Variants in ABCC1 observed in about 807,000 individuals in gnomAD.
ABCC1 encodes the protein ATP binding cassette subfamily C member 1 (ABCC1 blood group).
In ABCC1, 83 loss-of-function variants were observed where a neutral mutation model predicts 172.9. The observed-to-expected ratio is 0.48, with a 90% confidence interval of 0.40 to 0.58. The LOEUF is 0.58. Ranked by LOEUF, ABCC1 falls within the 20% of genes least tolerant of loss-of-function variation. The pLI is 0.00. For synonymous variants in ABCC1, 937 were observed against 825.2 expected, an observed-to-expected ratio of 1.14 and a Z score of -2.32; for missense variants, 1,817 against 2,002.7, an observed-to-expected ratio of 0.91 and a Z score of 1.77.
chr16:15,993,354 A>G (rs1036850468), intron 1 of ABCC1, among the ~76,000 whole-genome samples: 1 of 152,112 alleles, frequency 6.6e-6, no homozygotes, highest in African/African-American at 2.4e-5. Flanking sequence ...CCCTCCTGAT[A>G]ACTCTCTAAA....
At chr16:16,029,650 A>G (rs1391030361) in intron 5 of ABCC1, among the ~76,000 whole-genome samples, 1 of 152,252 alleles carries the variant, frequency 6.6e-6, no homozygotes, top group East Asian at 1.9e-4. Context: ...AGTTGCAAAA[A>G]TAACAGAGTT....
At position 16,092,355 on chromosome 16, in the gene ABCC1, G is replaced by A. The variant is rs151064511; in HGVS notation, c.2644+1767G>A. ...GAACTTTTTTTAATCACCCCCAAAAGAAACCCCAATCCATCAGCCATGACT... is the reference window on the plus strand; with the variant it reads ...GAACTTTTTTTAATCACCCCCAAAAAAAACCCCAATCCATCAGCCATGACT... On this transcript the variant is annotated intron_variant, in intron 19 of 30. Coordinates refer to ENST00000399410, the MANE Select transcript of ABCC1 (RefSeq NM_004996.4). Among the ~76,000 whole-genome samples the A allele has an allele frequency of 4.3e-3, 659 of 152,192 alleles. 12 individuals carry two copies. Among genetic ancestry groups the A allele is most frequent in the Non-Finnish European group, 5.9e-3 (404 of 68,012 alleles).
At chr16:16,077,467 C>T (rs1371615194) in intron 15 of ABCC1, among the ~76,000 whole-genome samples, 2 of 151,972 alleles carry the variant, frequency 1.3e-5, no homozygotes, top group East Asian at 3.8e-4. Context: ...AGTTACCTTC[C>T]CCCCATGAGC....
chr16:16,017,854 A>G (rs1305930956), intron 5 of ABCC1, among the ~76,000 whole-genome samples: 1 of 152,046 alleles, frequency 6.6e-6, no homozygotes, highest in African/African-American at 2.4e-5. Flanking sequence ...GGGTGGAGCA[A>G]ACACCTAGAG....
In ABCC1 at chr16:16,011,889, G is replaced by A. The variant is rs561987859; in HGVS notation, c.351+1988G>A. 4.1e-4 allele frequency among the ~76,000 whole-genome samples: 62 copies of A among 151,782 alleles called. No individual in the cohort carries two copies. The South Asian group carries it at 0.012, about 29-fold the overall frequency. On this transcript the variant is annotated intron_variant, in intron 3 of 30. Transcript: ENST00000399410. ...TCACCATGTTGGCCAGGCTGGTCTC[G>A]AACTCCGGACCTCAGGTGATCCACC...
intron 7 of ABCC1, among the ~76,000 whole-genome samples, chr16:16,041,354 C>G (rs1285620351): frequency 6.6e-6 from 1 of 152,214 alleles, no homozygotes; most frequent in South Asian, 2.1e-4. Context: ...TTTATTTATT[C>G]ATCTGTACAC....
At chr16:15,972,604 C>G (rs1352318125) in intron 1 of ABCC1, among the ~76,000 whole-genome samples, 2 of 152,088 alleles carry the variant, frequency 1.3e-5, no homozygotes, top group African/African-American at 4.8e-5. Context: ...AAAGGCTCTT[C>G]TGTCCACATT....
chr16:16,047,348 G>C (rs539020257), intron 9 of ABCC1, among the ~76,000 whole-genome samples: 1 of 152,136 alleles, frequency 6.6e-6, no homozygotes, highest in African/African-American at 2.4e-5. Flanking sequence ...CTAGAGTGCA[G>C]TGGCATGATC....
intron 1 of ABCC1, among the ~76,000 whole-genome samples, chr16:15,961,838 C>T (rs1325331134): frequency 6.6e-6 from 1 of 151,342 alleles, no homozygotes; most frequent in African/African-American, 2.4e-5. Flanking sequence ...CATGTATTCA[C>T]CCATTCCCCT....
chr16:16,082,023 A>G (rs1315492272), intron 16 of ABCC1, among the ~76,000 whole-genome samples: 2 of 152,134 alleles, frequency 1.3e-5, no homozygotes, highest in Non-Finnish European at 2.9e-5. Context: ...TTCAAAAAAA[A>G]ATCTTCAGGG....
In ABCC1 at chr16:16,068,278, C is replaced by T. The variant is rs1340756347; in HGVS notation, c.1800C>T (p.Pro600=). 1 of 1,614,160 alleles carries T rather than the reference C, an allele frequency of 6.2e-7. No individual in the cohort carries two copies. Among genetic ancestry groups the T allele is most frequent in the Non-Finnish European group, 8.5e-7 (1 of 1,180,044 alleles). ...NILRFPLNIL[P]MVISSIVQAS... ...TCCGGTTTCCCCTGAACATTCTCCC[C>T]ATGGTCATCAGCAGCATCGTGCAGG... The change falls in exon 13 of 31, where the codon CCC becomes CCT. Residue 600 remains proline, a synonymous_variant. Transcript: ENST00000399410.
chr16:16,030,800 C>T (rs1290420378), intron 5 of ABCC1, among the ~76,000 whole-genome samples: 1 of 151,994 alleles, frequency 6.6e-6, no homozygotes, highest in Non-Finnish European at 1.5e-5. Context: ...CAGTCGCACC[C>T]AGAACCAGCT....
chr16:16,079,565 C>G (rs958850579), intron 16 of ABCC1, 87 bp downstream of exon 16: 1 of 1,492,884 alleles, frequency 6.7e-7, no homozygotes, highest in Non-Finnish European at 9.0e-7. Context: ...TTTTGACTGT[C>G]CCTGTGCCAG....
chr16:16,132,044 C>G, intron 27 of ABCC1, 109 bp downstream of exon 27: 1 of 1,393,028 alleles, frequency 7.2e-7, no homozygotes, highest in Non-Finnish European at 9.8e-7. Context: ...GGCTCCACAC[C>G]TTTGCTTGAA....
rs563853740 is a variant in ABCC1, at chr16:16,107,815, T to G, written c.2871+942T>G. On this transcript the variant is annotated intron_variant, in intron 21 of 30. Coordinates refer to ENST00000399410, the MANE Select transcript of ABCC1 (RefSeq NM_004996.4). ...AGTTTATTTTTAAAAATAAATGTGGTTTTTTTTGTTTTTGTTTTTAAAGGG... is the reference window on the plus strand; with the variant it reads ...AGTTTATTTTTAAAAATAAATGTGGGTTTTTTTGTTTTTGTTTTTAAAGGG... 4.6e-5 allele frequency among the ~76,000 whole-genome samples: 7 copies of G among 151,808 alleles called. 1 individual carries two copies. Among genetic ancestry groups the G allele is most frequent in the African/African-American group, 1.4e-4 (6 of 41,438 alleles).
intron 1 of ABCC1, among the ~76,000 whole-genome samples, chr16:15,957,324 G>A (rs752051059): frequency 1.3e-5 from 2 of 149,974 alleles, no homozygotes; most frequent in Admixed American, 6.7e-5. Flanking sequence ...GAACTCAGGC[G>A]ATCTGCCTGC....
chr16:15,962,743 C>A (rs2046162825), intron 1 of ABCC1, among the ~76,000 whole-genome samples: 1 of 152,328 alleles, frequency 6.6e-6, no homozygotes, highest in East Asian at 1.9e-4. Flanking sequence ...CTCCCATGAT[C>A]TAATCACCTC....
intron 1 of ABCC1, among the ~76,000 whole-genome samples, chr16:15,967,709 A>G (rs927421851): frequency 2.7e-5 from 4 of 149,738 alleles, no homozygotes; most frequent in African/African-American, 7.4e-5. Flanking sequence ...GCAGTGAGCT[A>G]TGATTGCACC....
chr16:16,130,334 TAA>T (rs1341313230), intron 26 of ABCC1, among the ~76,000 whole-genome samples: 106 of 151,310 alleles, frequency 7.0e-4, no homozygotes, highest in Non-Finnish European at 7.3e-5. Flanking sequence ...AATATTTATT[TAA>T]ATTTTTTTTT....
Sources: gnomAD v4.1 joint callset for allele counts (sites outside exome capture counted in the v4.1 genomes callset) on GRCh38, gnomAD v4.1.1 for gene constraint, MANE v1.5 for transcripts, NCBI Gene and HGNC (gene_info 2026-07-23, HGNC 2026-07-21) for gene names.